Variants in UMODL1 observed in about 807,000 individuals in gnomAD.
UMODL1 encodes uromodulin-like 1.
In UMODL1, 128 loss-of-function variants were observed where a neutral mutation model predicts 136.3. The observed-to-expected ratio is 0.94, with a 90% CI of 0.81 to 1.09. The LOEUF is 1.09. UMODL1 is among the 50% of genes least tolerant of loss of function. The pLI is 0.00. For missense variants in UMODL1, 1,766 were observed against 1,725.6 expected (o/e 1.02, Z -0.41); for synonymous variants, 721 against 720.0 (o/e 1.00, Z -0.02).
Position 42,111,653 on chromosome 21 carries a change from G to T in UMODL1, c.2047G>T (p.Gly683Cys). The T allele has an allele frequency of 6.2e-7, 1 of 1,614,010 alleles. No individual in the cohort carries two copies. Among genetic ancestry groups the T allele is most frequent in the African/African-American group, 1.3e-5 (1 of 75,046 alleles). The change falls in exon 12 of 23, where the codon GGT becomes TGT. Residue 683 changes from glycine to cysteine, a missense_variant. Gly to Cys is a radical substitution (Grantham distance 159, BLOSUM62 -3). Transcript: ENST00000408910. ...GCGAAATGAGGACAGTGGACCCTCC[G>T]GTTCTGTAGACCTGCCATTGACCTC... ...WLRNEDSGPS[G>C]SVDLPLTSTL...
chr21:42,124,884 C>T (rs190138408), intron 17 of UMODL1, among the ~76,000 whole-genome samples: 4 of 152,212 alleles, frequency 2.6e-5, no homozygotes, highest in Admixed American at 1.3e-4. Flanking sequence ...AGTCCCTTAG[C>T]GACCGCATGG....
chr21:42,117,374 A>G (rs1169278107), intron 14 of UMODL1, among the ~76,000 whole-genome samples: 1 of 152,174 alleles, frequency 6.6e-6, no homozygotes, highest in African/African-American at 2.4e-5. Flanking sequence ...TCTGTTATAA[A>G]TAGTGCTGCA....
chr21:42,120,635 T>G (rs998744862), intron 15 of UMODL1: 3 of 153,904 alleles, frequency 1.9e-5, no homozygotes, highest in African/African-American at 7.2e-5. Flanking sequence ...GCCACGCTTT[T>G]CTGGTTCTTA....
chr21:42,071,436 G>A lies in UMODL1; in HGVS notation c.76+44G>A, dbSNP rs780449566. On this transcript the variant is annotated intron_variant, in intron 1 of 22. Coordinates refer to ENST00000408910, the MANE Select transcript of UMODL1 (RefSeq NM_001004416.3). Reference sequence around the variant, plus strand: ...GCATGGGCAGTTCTTAAGGACAGGGGCTTCCTGGCATGGGTCTCATGAGGA... The same window carrying A: ...GCATGGGCAGTTCTTAAGGACAGGGACTTCCTGGCATGGGTCTCATGAGGA... 6.6e-6 allele frequency: 10 copies of A among 1,506,228 alleles called. 1 individual carries two copies. The South Asian group carries it at 1.2e-4, about 18-fold the overall frequency. The allele number at this position is 1,506,228 out of a possible 1,614,324, so 93.3% of individuals were successfully genotyped here.
rs1555922532 is a variant in UMODL1, at chr21:42,095,089, G to GGTTTTTTTTTTTTTTTTTTTTT, written c.932-3837_932-3836insGTTTTTTTTTTTTTTTTTTTTT. Among the ~76,000 whole-genome samples the GGTTTTTTTTTTTTTTTTTTTTT allele has an allele frequency of 5.7e-4, 35 of 61,204 alleles. 5 individuals carry two copies. The highest frequency in any genetic ancestry group is 1.4e-3 in the South Asian group (2 of 1,448). 40.2% of individuals were successfully genotyped at this position (61,204 alleles called of 152,430 possible). Reference sequence around the variant, plus strand: ...CATCACTCCTTTGTTTTCTTCTGCTGTTTTTTTTTTTTTTTTTTTTTTTGA... The same window carrying GGTTTTTTTTTTTTTTTTTTTTT: ...CATCACTCCTTTGTTTTCTTCTGCTGGTTTTTTTTTTTTTTTTTTTTTTTTTTTTTTTTTTTTTTTTTTTTGA... On this transcript the variant is annotated intron_variant, in intron 6 of 22. Transcript: ENST00000408910.
chr21:42,109,755 G>T, intron 10 of UMODL1, 56 bp downstream of exon 10: 1 of 1,581,976 alleles, frequency 6.3e-7, no homozygotes, highest in Admixed American at 1.7e-5. Flanking sequence ...AGAATCTGGG[G>T]GTGGGGCAAA....
At chr21:42,132,633 CATTA>C (rs141498767) in intron 21 of UMODL1, among the ~76,000 whole-genome samples, 8,261 of 152,262 alleles carry the variant, frequency 0.054, 349 homozygotes, top group East Asian at 0.22. Flanking sequence ...CCCATTTATT[CATTA>C]ATTCATTCAT....
intron 15 of UMODL1, among the ~76,000 whole-genome samples, chr21:42,119,627 A>C (rs965458855): frequency 6.6e-6 from 1 of 152,140 alleles, no homozygotes; most frequent in Admixed American, 6.5e-5. Context: ...GGGCAGATGC[A>C]TCCCTCTCTG....
chr21:42,088,604 G>A (rs1044326044), intron 5 of UMODL1, 124 bp downstream of exon 5: 17 of 1,014,616 alleles, frequency 1.7e-5, no homozygotes, highest in Non-Finnish European at 2.4e-5. Flanking sequence ...AAGTTCAGGA[G>A]CAAAAGAATA....
At chr21:42,113,872 T>C (rs369738528) in intron 13 of UMODL1, 42 bp downstream of exon 13, 167 of 1,587,810 alleles carry the variant, frequency 1.1e-4, no homozygotes, top group Admixed American at 2.5e-4. Flanking sequence ...GAACAAAAAG[T>C]ATGAAAAAGA....
rs2067015397 is a variant in UMODL1 at position 42,123,904 on chromosome 21, G to A, written c.3147+754G>A. Among the ~76,000 whole-genome samples, 1 of 152,208 alleles carries A rather than the reference G, an allele frequency of 6.6e-6. No homozygotes were observed. The highest frequency in any genetic ancestry group is 2.1e-4 in the South Asian group (1 of 4,834). The stretch of plus-strand genomic sequence containing the variant: ...TCTATTTCAGGGTCCTGGATGGGCT[G>A]TGGGGCTCCCGGGACAGAGGGAGCC... On this transcript the variant is annotated intron_variant, in intron 17 of 22. Coordinates refer to ENST00000408910, the MANE Select transcript of UMODL1 (RefSeq NM_001004416.3). This position sits in a 1 kb window ranked among gnomAD's most constrained non-coding sequence, Gnocchi z 4.4.
rs118184228 is a variant in UMODL1, at chr21:42,118,848, G to A, written c.2476-263G>A. Among the ~76,000 whole-genome samples the A allele has an allele frequency of 4.6e-3, 691 of 150,500 alleles. 1 individual carries two copies. The highest frequency in any genetic ancestry group is 0.016 in the South Asian group (75 of 4,618). ...GCCTGTGCCCCCAAGTCCCACCCTC[G>A]CCCCACAGGCATCTTTCTGAAGCCG... On this transcript the variant is annotated intron_variant, in intron 14 of 22. Coordinates refer to ENST00000408910, the MANE Select transcript of UMODL1 (RefSeq NM_001004416.3).
chr21:42,120,101 T>C (rs1364319788), intron 15 of UMODL1, among the ~76,000 whole-genome samples: 1 of 152,214 alleles, frequency 6.6e-6, no homozygotes, highest in East Asian at 1.9e-4. Context: ...CTAACAAAGA[T>C]GTGGTAACCC....
intron 4 of UMODL1, among the ~76,000 whole-genome samples, chr21:42,087,645 C>G (rs1212112066): frequency 6.6e-6 from 1 of 152,216 alleles, no homozygotes; most frequent in African/African-American, 2.4e-5. Flanking sequence ...TTGTCAGCTG[C>G]AAGAGACCTG....
At chr21:42,136,278 T>C (rs1390307084) in intron 21 of UMODL1, among the ~76,000 whole-genome samples, 2 of 152,190 alleles carry the variant, frequency 1.3e-5, no homozygotes, top group Non-Finnish European at 2.9e-5. Context: ...GTTTAGTACA[T>C]TGAGAGTGTT....
chr21:42,105,087 A>T (rs951508368), intron 9 of UMODL1, among the ~76,000 whole-genome samples: 2 of 152,148 alleles, frequency 1.3e-5, no homozygotes, highest in Non-Finnish European at 2.9e-5. Flanking sequence ...GCCGGGAAGA[A>T]CTGGGTTGGG....
rs2066834793 is a variant in UMODL1 at position 42,111,713 on chromosome 21, G to A, written c.2104+3G>A. ...AGCTCTGAAGACCCCCGCCTGTGGT[G>A]AGTTCCTCGAATGGTGCATGGGGAC... On this transcript the variant is annotated splice_donor_region_variant and intron_variant, in intron 12 of 22. Transcript: ENST00000408910. 1 of 1,606,990 alleles carries A rather than the reference G, an allele frequency of 6.2e-7. No individual in the cohort carries two copies. The highest frequency in any genetic ancestry group is 1.3e-5 in the African/African-American group (1 of 74,980).
intron 21 of UMODL1, among the ~76,000 whole-genome samples, chr21:42,134,726 T>C (rs915574068): frequency 2.7e-4 from 37 of 138,344 alleles, no homozygotes; most frequent in African/African-American, 8.9e-4. Flanking sequence ...GTGATTCTCC[T>C]GCCTCAGCCT....
intron 6 of UMODL1, among the ~76,000 whole-genome samples, chr21:42,096,039 T>A (rs1262349796): frequency 6.6e-6 from 1 of 152,196 alleles, no homozygotes; most frequent in Admixed American, 6.5e-5. Context: ...TTGGACACTG[T>A]GGACCTTAAC....
Sources: gnomAD v4.1 joint callset for allele counts (sites outside exome capture counted in the v4.1 genomes callset) on GRCh38, gnomAD v4.1.1 for gene constraint, Gnocchi (gnomAD v3.1) non-coding constraint, MANE v1.5 for transcripts, NCBI Gene and HGNC (gene_info 2026-07-23, HGNC 2026-07-21) for gene names.